NUDT9: variants seen among roughly 807,000 people sequenced by gnomAD.
The protein encoded by NUDT9 is nudix hydrolase 9.
Under a neutral mutation model 41.0 loss-of-function variants are expected in NUDT9, and 31 were observed. The ratio of observed to expected loss-of-function variants is 0.76; its 90% CI spans 0.57 to 1.02. The LOEUF (loss-of-function observed/expected upper bound fraction) is 1.02, where lower values mean the gene tolerates loss of function less well. Ranked by LOEUF, NUDT9 falls within the 50% of genes least tolerant of loss-of-function variation. NUDT9 has a pLI of 0.00. For synonymous variants in NUDT9, 146 were observed against 147.6 expected, an observed-to-expected ratio of 0.99 and a Z score of 0.08; for missense variants, 380 against 431.4, an observed-to-expected ratio of 0.88 and a Z score of 1.06.
chr4:87,423,778 A>G (rs1721269077), intron 1 of NUDT9, among the ~76,000 whole-genome samples: 3 of 152,128 alleles, frequency 2.0e-5, no homozygotes, highest in African/African-American at 7.2e-5. Context: ...AATATGAGTA[A>G]TAGGTCTTGT....
intron 7 of NUDT9, among the ~76,000 whole-genome samples, chr4:87,455,275 T>G (rs1401442030): frequency 6.6e-6 from 1 of 152,188 alleles, no homozygotes; most frequent in African/African-American, 2.4e-5. Flanking sequence ...TTGTTGAACT[T>G]GGAGGAAACT....
intron 1 of NUDT9, among the ~76,000 whole-genome samples, chr4:87,426,217 G>T (rs954319236): frequency 6.6e-6 from 1 of 152,138 alleles, no homozygotes; most frequent in African/African-American, 2.4e-5. Flanking sequence ...TACTGGTGAT[G>T]TGTGTAGAAT....
At chr4:87,447,184 T>G (rs1231137957) in intron 4 of NUDT9, among the ~76,000 whole-genome samples, 2 of 152,216 alleles carry the variant, frequency 1.3e-5, no homozygotes, top group Non-Finnish European at 2.9e-5. Context: ...TTTATGACTT[T>G]GTTTCTTGCT....
intron 2 of NUDT9, among the ~76,000 whole-genome samples, chr4:87,437,726 C>G (rs549542009): frequency 6.6e-6 from 1 of 152,288 alleles, no homozygotes; most frequent in African/African-American, 2.4e-5. Flanking sequence ...CTGCCCAGAT[C>G]AAGATCTAGA....
chr4:87,457,636 G>T (rs1442628457), intron 7 of NUDT9, among the ~76,000 whole-genome samples: 1 of 151,962 alleles, frequency 6.6e-6, no homozygotes, highest in Admixed American at 6.6e-5. Flanking sequence ...TTAGGGACTT[G>T]GTTAAAATTT....
intron 3 of NUDT9, among the ~76,000 whole-genome samples, chr4:87,440,116 A>C (rs1722139514): frequency 1.3e-5 from 2 of 152,214 alleles, no homozygotes; most frequent in African/African-American, 4.8e-5. Flanking sequence ...TTATAGATAC[A>C]ATTATAAAAA....
intron 5 of NUDT9, 59 bp from the exon 6 acceptor site, chr4:87,451,530 T>A: frequency 7.3e-7 from 1 of 1,371,290 alleles, no homozygotes. Flanking sequence ...ACTCAATAAA[T>A]ATTTGTTGAA....
chr4:87,453,861 C>CT (rs533107265), intron 6 of NUDT9, among the ~76,000 whole-genome samples: 13,436 of 136,170 alleles, frequency 0.099, 736 homozygotes, highest in Non-Finnish European at 0.13. Flanking sequence ...TTCTTTCTTT[C>CT]TTTTTTTTTT....
At chr4:87,430,265 G>A (rs775802765) in intron 1 of NUDT9, among the ~76,000 whole-genome samples, 12 of 152,228 alleles carry the variant, frequency 7.9e-5, no homozygotes, top group Non-Finnish European at 7.3e-5. Flanking sequence ...TGAGCCTCCA[G>A]AGAGGAATGC....
At chr4:87,426,935 C>CAA (rs70957243) in intron 1 of NUDT9, among the ~76,000 whole-genome samples, 1 of 54,348 alleles carries the variant, frequency 1.8e-5, no homozygotes, top group Non-Finnish European at 3.7e-5. Flanking sequence ...ACTCCCTTGC[C>CAA]AAAAAAAAAA....
chr4:87,442,136 A>G (rs1166654663), intron 4 of NUDT9, among the ~76,000 whole-genome samples: 2 of 152,212 alleles, frequency 1.3e-5, no homozygotes, highest in South Asian at 2.1e-4. Context: ...ATCATAGAGT[A>G]TATTTACATA....
At chr4:87,437,286 A>AT (rs35766329) in intron 2 of NUDT9, among the ~76,000 whole-genome samples, 10,903 of 141,720 alleles carry the variant, frequency 0.077, 641 homozygotes, top group East Asian at 0.28. Context: ...AGAAAAAATA[A>AT]TTTTTTTTGT....
At chr4:87,439,098 G>A (rs375934330) in intron 3 of NUDT9, among the ~76,000 whole-genome samples, 2 of 151,744 alleles carry the variant, frequency 1.3e-5, no homozygotes, top group East Asian at 1.9e-4. Flanking sequence ...ACCGGGAGGC[G>A]GAGGTTGCGG....
intron 4 of NUDT9, among the ~76,000 whole-genome samples, chr4:87,445,931 C>G (rs984506448): frequency 6.6e-6 from 1 of 151,406 alleles, no homozygotes; most frequent in Non-Finnish European, 1.5e-5. Flanking sequence ...TAGCATCTCT[C>G]TCTTTTTTTT....
chr4:87,425,943 A>G (rs1462064389), intron 1 of NUDT9, among the ~76,000 whole-genome samples: 2 of 151,546 alleles, frequency 1.3e-5, no homozygotes, highest in South Asian at 2.1e-4. Context: ...AGTATCTGGT[A>G]CTACCGGTGC....
chr4:87,454,395 C>T lies in NUDT9; in HGVS notation c.814C>T (p.Pro272Ser), dbSNP rs1007153989. The change falls in exon 7 of 8, where the codon CCT becomes TCT. Residue 272 changes from proline to serine, a missense_variant. Transcript: ENST00000302174. ...LVIYKGYVDD[P>S]RNTDNAWMET... ...GATATATAAGGGATATGTTGATGATCCTCGAAACACTGATAATGCATGGAT... is the reference window on the plus strand; with the variant it reads ...GATATATAAGGGATATGTTGATGATTCTCGAAACACTGATAATGCATGGAT... The T allele has an allele frequency of 6.2e-7, 1 of 1,611,360 alleles. No individual in the cohort carries two copies. Among genetic ancestry groups the T allele is most frequent in the Non-Finnish European group, 8.5e-7 (1 of 1,177,628 alleles).
rs1250224227 is a variant in NUDT9, at chr4:87,441,852, T to TG, written c.469dup (p.Val157GlyfsTer26). The TG allele has an allele frequency of 6.2e-7, 1 of 1,613,688 alleles. No individual in the cohort carries two copies. The highest frequency in any genetic ancestry group is 1.3e-5 in the African/African-American group (1 of 74,912). On this transcript the variant is annotated frameshift_variant, in exon 4 of 8. Coordinates refer to ENST00000302174, the MANE Select transcript of NUDT9 (RefSeq NM_024047.5). LOFTEE classifies it high-confidence loss of function. ...AGAAATCCTGCAGGACGGACTGGAC[T>TG]GGTGGGCCGGGGGCTTTTGGGGCGA...
At chr4:87,451,060 C>T (rs896981666) in intron 5 of NUDT9, among the ~76,000 whole-genome samples, 3 of 152,092 alleles carry the variant, frequency 2.0e-5, no homozygotes, top group East Asian at 1.9e-4. Context: ...TGAGAGTTTG[C>T]GATTTTAGAC....
At chr4:87,444,115 A>T (rs1043884862) in intron 4 of NUDT9, among the ~76,000 whole-genome samples, 1 of 152,050 alleles carries the variant, frequency 6.6e-6, no homozygotes, top group African/African-American at 2.4e-5. Context: ...TTTTACTTTT[A>T]GAATTTCTTT....
Sources: gnomAD v4.1 joint callset for allele counts (sites outside exome capture counted in the v4.1 genomes callset) on GRCh38, gnomAD v4.1.1 for gene constraint, MANE v1.5 for transcripts, NCBI Gene and HGNC (gene_info 2026-07-23, HGNC 2026-07-21) for gene names.